The following PTPN21 variants were observed in gnomAD, a reference collection of about 807,000 sequenced individuals.
PTPN21 encodes protein tyrosine phosphatase non-receptor type 21.
In PTPN21, 77 loss-of-function variants were observed where a neutral mutation model predicts 131.8. The observed-to-expected ratio is 0.58, with a 90% CI of 0.49 to 0.71. PTPN21 has a LOEUF of 0.71. PTPN21 is among the 30% of genes least tolerant of loss of function. The pLI, the probability that PTPN21 is intolerant of heterozygous loss-of-function variation, is 0.00. For synonymous variants in PTPN21, 715 were observed against 621.3 expected, an observed-to-expected ratio of 1.15 and a Z score of -2.24; for missense variants, 1,552 against 1,527.1, an observed-to-expected ratio of 1.02 and a Z score of -0.27.
rs145410096 is a variant in PTPN21 at position 88,503,188 on chromosome 14, A to G, written c.587+1237T>C. ...GTAGCTGAGACTACCGGTGCATGCC[A>G]CCACACCTGGCTAATTTTTTGTATT... On this transcript the variant is annotated intron_variant, in intron 6 of 18. Coordinates refer to ENST00000556564, the MANE Select transcript of PTPN21 (RefSeq NM_007039.4). Among the ~76,000 whole-genome samples, 346 of 151,796 alleles carry G rather than the reference A, an allele frequency of 2.3e-3. 4 individuals carry two copies. Among genetic ancestry groups the G allele is most frequent in the African/African-American group, 7.9e-3 (328 of 41,346 alleles).
intron 13 of PTPN21, among the ~76,000 whole-genome samples, chr14:88,477,915 A>G (rs2140094275): frequency 6.6e-6 from 1 of 152,370 alleles, no homozygotes; most frequent in Admixed American, 6.5e-5. Context: ...CAAGGCTTCA[A>G]CAAGCAATTA....
At chr14:88,492,523 A>G (rs1208555613) in intron 10 of PTPN21, among the ~76,000 whole-genome samples, 1 of 152,210 alleles carries the variant, frequency 6.6e-6, no homozygotes, top group Non-Finnish European at 1.5e-5. Context: ...GGATGCAAAC[A>G]TGGTGCAGGG....
intron 10 of PTPN21, among the ~76,000 whole-genome samples, chr14:88,493,603 T>C (rs985086937): frequency 1.1e-4 from 17 of 152,174 alleles, no homozygotes; most frequent in Non-Finnish European, 1.5e-5. Context: ...CAGTGCTACA[T>C]ATTTTGCTTA....
chr14:88,506,969 C>A (rs1312604905), intron 4 of PTPN21, among the ~76,000 whole-genome samples: 1 of 151,922 alleles, frequency 6.6e-6, no homozygotes, highest in South Asian at 2.1e-4. Context: ...TCGCTTGAAC[C>A]CAGGAGGCGG....
chr14:88,512,865 T>C lies in PTPN21; in HGVS notation c.350+4227A>G, dbSNP rs543373099. The stretch of plus-strand genomic sequence containing the variant: ...ATCAGTGGTGCCTGGTACTTCCTGA[T>C]GCATCACATCAGAAGAAATGGTATT... On this transcript the variant is annotated intron_variant, in intron 3 of 18. Coordinates refer to ENST00000556564, the MANE Select transcript of PTPN21 (RefSeq NM_007039.4). Among the ~76,000 whole-genome samples, 3 of 152,382 alleles carry C rather than the reference T, an allele frequency of 2.0e-5. No homozygotes were observed. The South Asian group carries it at 6.2e-4, about 32-fold the overall frequency.
At position 88,469,097 on chromosome 14, in the gene PTPN21, A is replaced by C. The variant is rs1485803858; in HGVS notation, c.3236-21T>G. The C allele has an allele frequency of 6.2e-7, 1 of 1,600,826 alleles. No individual in the cohort carries two copies. The highest frequency in any genetic ancestry group is 2.2e-5 in the East Asian group (1 of 44,548). On this transcript the variant is annotated intron_variant, in intron 17 of 18. Transcript: ENST00000556564. The surrounding 1 kb of genome is among the most constrained non-coding windows in gnomAD (Gnocchi z 4.3). ...ATATGCTGTGGAAAATCAATGAAAT[A>C]GAAAAGTACTCAAGGATCAAGGCGT...
chr14:88,501,580 T>C (rs537444949), intron 6 of PTPN21, among the ~76,000 whole-genome samples: 51 of 152,138 alleles, frequency 3.4e-4, no homozygotes, highest in Non-Finnish European at 6.0e-4. Flanking sequence ...CTGCTCTCCA[T>C]ACTTAAGGCA....
rs61742571 is a variant in PTPN21, at chr14:88,497,215, A to G, written c.840T>C (p.Ile280=). The G allele has an allele frequency of 6.5e-3, 10,512 of 1,607,182 alleles. 579 individuals are homozygous for G. The African/African-American group carries it at 0.12, about 19-fold the overall frequency. Residue 280 remains isoleucine (I), a synonymous_variant, in exon 9 of 19, where the codon ATT becomes ATC. Transcript: ENST00000556564. The stretch of plus-strand genomic sequence containing the variant: ...AATGTTTACTCACAGTTTGAAATTG[A>G]ATGGTCTCCTCTTTATTTGCCAGCT... The part of the protein sequence containing the change: ...ALELANKEET[I]QFQTEDMETA...
chr14:88,469,592 G>A lies in PTPN21; in HGVS notation c.3142C>T (p.His1048Tyr). 1 of 1,614,134 alleles carries A rather than the reference G, an allele frequency of 6.2e-7. No individual in the cohort carries two copies. ...GTCCTCTCTTGCCCAGTAAGGAGGTGCTTCATCTTCAGGCCTGTGGTGGCA... is the reference window on the plus strand; with the variant it reads ...GTCCTCTCTTGCCCAGTAAGGAGGTACTTCATCTTCAGGCCTGTGGTGGCA... ...CYATTGLKMKHLLTGQERTVW... is the reference protein window; with the variant it reads ...CYATTGLKMKYLLTGQERTVW... Residue 1048 changes from histidine to tyrosine, a missense_variant, in exon 17 of 19, where the codon CAC becomes TAC. By Grantham distance (83) the His-to-Tyr change is moderately conservative. Transcript: ENST00000556564. The surrounding 1 kb of genome is among the most constrained non-coding windows in gnomAD (Gnocchi z 4.3).
chr14:88,485,169 T>C lies in PTPN21; in HGVS notation c.994-9A>G. Reference sequence around the variant, plus strand: ...TAGGGCTGGGGTTTAGGCTAAGAAATGGAGAGTTTGACACAGGGTTGAAAC... The same window carrying C: ...TAGGGCTGGGGTTTAGGCTAAGAAACGGAGAGTTTGACACAGGGTTGAAAC... On this transcript the variant is annotated splice_polypyrimidine_tract_variant and intron_variant, in intron 11 of 18. Coordinates refer to ENST00000556564, the MANE Select transcript of PTPN21 (RefSeq NM_007039.4). 6.4e-7 allele frequency: 1 copy of C among 1,557,010 alleles called. No homozygotes were observed. Among genetic ancestry groups the C allele is most frequent in the Non-Finnish European group, 8.8e-7 (1 of 1,138,310 alleles).
chr14:88,554,283 C>T (rs2139374642), intron 1 of PTPN21, among the ~76,000 whole-genome samples: 1 of 152,310 alleles, frequency 6.6e-6, no homozygotes, highest in East Asian at 1.9e-4. Flanking sequence ...CCAGGCGTTA[C>T]CAAACAGTCC....
chr14:88,500,191 A>C (rs1422176227), intron 8 of PTPN21, among the ~76,000 whole-genome samples: 1 of 152,226 alleles, frequency 6.6e-6, no homozygotes. Flanking sequence ...GAATCCCAGC[A>C]CTGTGGGAGG....
intron 2 of PTPN21, among the ~76,000 whole-genome samples, chr14:88,517,851 GTATA>G (rs556565577): frequency 1.4e-5 from 2 of 142,898 alleles, no homozygotes; most frequent in African/African-American, 2.6e-5. Flanking sequence ...TATATATATG[GTATA>G]TATATGTGTA....
At chr14:88,551,622 T>C (rs7146241) in intron 1 of PTPN21, 80,547 of 152,226 alleles carry the variant, frequency 0.53, 24,328 homozygotes, top group Middle Eastern at 0.7. Flanking sequence ...GGTGGAGAGG[T>C]TGGGCGGGCC....
chr14:88,511,653 G>A (rs2078186205), intron 3 of PTPN21, among the ~76,000 whole-genome samples: 1 of 152,030 alleles, frequency 6.6e-6, no homozygotes, highest in Admixed American at 6.6e-5. Context: ...TGGCAACCAA[G>A]CAACAAGAAG....
At chr14:88,499,270 G>C (rs1212633118) in intron 8 of PTPN21, 3 of 152,202 alleles carry the variant, frequency 2.0e-5, no homozygotes, top group Non-Finnish European at 4.4e-5. Flanking sequence ...ACTCTCTGAG[G>C]TCATAATCAC....
intron 3 of PTPN21, among the ~76,000 whole-genome samples, chr14:88,512,775 A>T (rs1052770013): frequency 1.3e-5 from 2 of 152,228 alleles, no homozygotes; most frequent in African/African-American, 2.4e-5. Context: ...TGTAGCTAAC[A>T]ACTACCTTAC....
chr14:88,479,315 T>C lies in PTPN21; in HGVS notation c.2116A>G (p.Met706Val), dbSNP rs148161781. Residue 706 changes from methionine to valine, a missense_variant, in exon 13 of 19, where the codon ATG (methionine) becomes GTG (valine). This residue lies in a region of PTPN21 where 1,016 missense variants were observed against 883.5 expected (regional missense o/e 1.15). Transcript: ENST00000556564. ...GHKKSLSDAT[M>V]LIHSSEEEED... ...TCCTCCTCGCTGCTGTGGATTAGCA[T>C]GGTGGCGTCCGACAGGGACTTCTTA... 4 of 1,613,308 alleles carry C rather than the reference T, an allele frequency of 2.5e-6. 1 individual carries two copies. Among genetic ancestry groups the C allele is most frequent in the East Asian group, 4.5e-5 (2 of 44,796 alleles).
chr14:88,470,138 TTTTTTTA>T (rs2077437284), intron 15 of PTPN21, 88 bp from the exon 16 acceptor site: 1 of 1,391,348 alleles, frequency 7.2e-7, no homozygotes, highest in East Asian at 2.5e-5. Context: ...ACTAAAAAAG[TTTTTTTA>T]AAAAAGTAAA....
Sources: gnomAD v4.1 joint callset for allele counts (sites outside exome capture counted in the v4.1 genomes callset) on GRCh38, gnomAD v4.1.1 for gene constraint, gnomAD v4.1.1 regional missense constraint, Gnocchi (gnomAD v3.1) non-coding constraint, MANE v1.5 for transcripts, NCBI Gene and HGNC (gene_info 2026-07-23, HGNC 2026-07-21) for gene names.